The following HIF1AN variants were observed in gnomAD, a reference collection of about 807,000 sequenced individuals.
The protein encoded by HIF1AN is hypoxia-inducible factor 1-alpha inhibitor.
A neutral mutation model predicts 47.7 loss-of-function variants in HIF1AN; 21 were observed. The observed-to-expected ratio is 0.44, with a 90% CI of 0.31 to 0.63. HIF1AN has a LOEUF of 0.63. Among genes scored for constraint, HIF1AN ranks in the 30% least tolerant of loss-of-function variants. HIF1AN has a pLI of 0.07. For synonymous variants in HIF1AN, 152 were observed against 155.9 expected, an observed-to-expected ratio of 0.98 and a Z score of 0.18; for missense variants, 320 against 432.7, an observed-to-expected ratio of 0.74 and a Z score of 2.31.
intron 2 of HIF1AN, among the ~76,000 whole-genome samples, chr10:100,538,713 T>C (rs1291669498): frequency 6.7e-6 from 1 of 149,198 alleles, no homozygotes. Flanking sequence ...CTCAGCTACT[T>C]GGGAGACTGA....
At position 100,536,077 on chromosome 10, in the gene HIF1AN, G is replaced by A. The variant is rs1359248357; in HGVS notation, c.119G>A (p.Arg40Lys). ...TTGCGCAGTTATAGCTTCCCGACTA[G>A]GCCCATTCCGCGTCTGAGTCAGAGC... ...SQLRSYSFPT[R>K]PIPRLSQSDP... Residue 40 changes from arginine to lysine, a missense_variant, in exon 1 of 8, where the codon AGG becomes AAG. Arg to Lys is a conservative substitution (Grantham distance 26, BLOSUM62 2). Around this residue, in one of 2 missense-constraint regions of HIF1AN, gnomAD observed 159 missense variants for 159.9 expected, o/e 0.99. Coordinates refer to ENST00000299163, the MANE Select transcript of HIF1AN (RefSeq NM_017902.3). 4 of 1,612,500 alleles carry A rather than the reference G, an allele frequency of 2.5e-6. No homozygotes were observed. Among genetic ancestry groups the A allele is most frequent in the Admixed American group, 1.7e-5 (1 of 59,894 alleles).
intron 2 of HIF1AN, among the ~76,000 whole-genome samples, chr10:100,537,105 A>G (rs1419017796): frequency 1.3e-5 from 2 of 151,982 alleles, no homozygotes; most frequent in African/African-American, 4.8e-5. Flanking sequence ...AGGTGGGAGG[A>G]TTGCTTGAGT....
rs1355174379 is a variant in HIF1AN, at chr10:100,557,072, G to T, written c.*8935G>T. 6.6e-6 allele frequency: 1 copy of T among 152,258 alleles called. No homozygotes were observed. Among genetic ancestry groups the T allele is most frequent in the Non-Finnish European group, 1.5e-5 (1 of 68,078 alleles). The allele number at this position is 152,258 out of a possible 1,614,324, so 9.4% of individuals were successfully genotyped here. A position where few individuals can be genotyped will look rare whatever the true frequency, so the allele number is the denominator to read the frequency against. ...GGAAGGGACTGAAAGTCCATGAAGT[G>T]CTGGGCTGGGGACAGAAAGGGTTTA... is the stretch of plus-strand genomic sequence containing the variant. On this transcript the variant is annotated 3_prime_UTR_variant, in exon 8 of 8. Coordinates refer to ENST00000299163, the MANE Select transcript of HIF1AN (RefSeq NM_017902.3).
intron 3 of HIF1AN, among the ~76,000 whole-genome samples, chr10:100,544,031 C>A (rs1843071369): frequency 1.3e-5 from 2 of 152,158 alleles, no homozygotes; most frequent in African/African-American, 2.4e-5. Flanking sequence ...CCAGACAGAG[C>A]TGGGGAAGAT....
chr10:100,540,033 T>C (rs2133722768), intron 2 of HIF1AN, among the ~76,000 whole-genome samples: 1 of 152,142 alleles, frequency 6.6e-6, no homozygotes, highest in South Asian at 2.1e-4. Context: ...TTTGAGATGG[T>C]GTCTTGCTCT....
At chr10:100,542,846 G>A (rs201312553) in intron 3 of HIF1AN, among the ~76,000 whole-genome samples, 1 of 111,762 alleles carries the variant, frequency 8.9e-6, no homozygotes, top group East Asian at 3.2e-4. Context: ...ATGTGAATGT[G>A]TTTTTTTTTT....
At chr10:100,540,929 T>C in intron 3 of HIF1AN, 147 bp downstream of exon 3, 1 of 789,204 alleles carries the variant, frequency 1.3e-6, no homozygotes, top group Non-Finnish European at 1.9e-6. Context: ...AGAAACATAA[T>C]AGGGGCTGGA....
chr10:100,546,471 C>G (rs116854727), intron 5 of HIF1AN, 47 bp from the exon 6 acceptor site: 1 of 1,497,772 alleles, frequency 6.7e-7, no homozygotes, highest in Admixed American at 1.7e-5. Context: ...CCTCCGCCCC[C>G]GCCAAAAGTA....
rs556223092 is a variant in HIF1AN, at chr10:100,538,208, A to G, written c.428+1547A>G. ...TTTATGGGTGATTAAAGAGTTTTCA[A>G]GGAAAATCTTTAATTGTTTGGAAGT... On this transcript the variant is annotated intron_variant, in intron 2 of 7. Coordinates refer to ENST00000299163, the MANE Select transcript of HIF1AN (RefSeq NM_017902.3). Among the ~76,000 whole-genome samples, 6 of 152,332 alleles carry G rather than the reference A, an allele frequency of 3.9e-5. No individual in the cohort carries two copies. The East Asian group carries it at 1.2e-3, about 29-fold the overall frequency.
chr10:100,545,832 T>G, intron 4 of HIF1AN, 111 bp from the exon 5 acceptor site: 1 of 710,194 alleles, frequency 1.4e-6, no homozygotes, highest in East Asian at 2.5e-5. Flanking sequence ...TTTTAAGGCA[T>G]CGTTTTTTTT....
At position 100,536,160 on chromosome 10, in the gene HIF1AN, G is replaced by A. The variant is rs1589749917; in HGVS notation, c.177+25G>A. On this transcript the variant is annotated intron_variant, in intron 1 of 7. Transcript: ENST00000299163. ...GGTGGGGGGCGGGGCCGCGTCTAAA[G>A]GGAGAGGAGGAAGGTACCCGGTTGA... 4.5e-6 allele frequency: 7 copies of A among 1,568,456 alleles called. No individual in the cohort carries two copies. In the East Asian group the frequency reaches 1.6e-4, roughly 35 times the overall value.
In HIF1AN at chr10:100,544,958, G is replaced by A; in HGVS notation, c.585G>A (p.Val195=). 6.2e-7 allele frequency: 1 copy of A among 1,614,150 alleles called. No homozygotes were observed. Among genetic ancestry groups the A allele is most frequent in the Non-Finnish European group, 8.5e-7 (1 of 1,180,002 alleles). The part of the protein sequence containing the change: ...NLLLIGMEGN[V]TPAHYDEQQN... Reference sequence around the variant, plus strand: ...ATGCCTTTCTTCTTACAGGAAATGTGACACCTGCTCACTATGATGAGCAGC... The same window carrying A: ...ATGCCTTTCTTCTTACAGGAAATGTAACACCTGCTCACTATGATGAGCAGC... Residue 195 remains valine (V), a synonymous_variant, in exon 4 of 8, where the codon GTG becomes GTA. Transcript: ENST00000299163.
At chr10:100,538,525 C>T (rs1179554956) in intron 2 of HIF1AN, among the ~76,000 whole-genome samples, 1 of 151,966 alleles carries the variant, frequency 6.6e-6, no homozygotes, top group East Asian at 1.9e-4. Context: ...GTAGTGTTTC[C>T]AACTCATCAA....
rs114934762 is a variant in HIF1AN at position 100,539,426 on chromosome 10, C to T, written c.429-1208C>T. ...GGCCTTTACCTAATAAGCTATCTTC[C>T]TTACTTTAGCTGTAGAAGGCTGCAA... On this transcript the variant is annotated intron_variant, in intron 2 of 7. Coordinates refer to ENST00000299163, the MANE Select transcript of HIF1AN (RefSeq NM_017902.3). Among the ~76,000 whole-genome samples, 631 of 152,328 alleles carry T rather than the reference C, an allele frequency of 4.1e-3. 5 individuals are homozygous for T. The highest frequency in any genetic ancestry group is 0.014 in the African/African-American group (586 of 41,582).
In HIF1AN at chr10:100,556,210, T is replaced by A. The variant is rs1436835108; in HGVS notation, c.*8073T>A. 1 of 152,236 alleles carries A rather than the reference T, an allele frequency of 6.6e-6. No homozygotes were observed. 9.4% of individuals were successfully genotyped at this position (152,236 alleles called of 1,614,324 possible). A position where few individuals can be genotyped will look rare whatever the true frequency, so the allele number is the denominator to read the frequency against. On this transcript the variant is annotated 3_prime_UTR_variant, in exon 8 of 8. Coordinates refer to ENST00000299163, the MANE Select transcript of HIF1AN (RefSeq NM_017902.3). ...TGCTTGTGTTACCAGTTCCTACCCC[T>A]GTCAGTAACCTCTGATGCTTACAAG...
Position 100,542,350 on chromosome 10 carries a change from T to TTTTA in HIF1AN, c.577+1584_577+1587dup, listed in dbSNP as rs1163582668. Among the ~76,000 whole-genome samples the TTTTA allele has an allele frequency of 1.3e-3, 201 of 152,114 alleles. 1 individual carries two copies. Among genetic ancestry groups the TTTTA allele is most frequent in the African/African-American group, 4.7e-3 (194 of 41,490 alleles). On this transcript the variant is annotated intron_variant, in intron 3 of 7. Transcript: ENST00000299163. The stretch of plus-strand genomic sequence containing the variant: ...TTTAGTGTAAATTCAACTTTATTGT[T>TTTTA]TTTATTTATTTATTTATTTTTGAGA...
intron 6 of HIF1AN, 74 bp from the exon 7 acceptor site, chr10:100,547,066 T>TG: frequency 9.6e-7 from 1 of 1,045,724 alleles, no homozygotes; most frequent in South Asian, 1.4e-5. Context: ...GAAGGGAGGA[T>TG]GGTACTAAGA....
In HIF1AN at chr10:100,536,626, A is replaced by G. The variant is rs556356487; in HGVS notation, c.393A>G (p.Lys131=). The G allele has an allele frequency of 3.7e-6, 6 of 1,614,208 alleles. No individual in the cohort carries two copies. Among genetic ancestry groups the G allele is most frequent in the East Asian group, 2.2e-5 (1 of 44,894 alleles). Residue 131 remains lysine (K), a synonymous_variant, in exon 2 of 8, where the codon AAA becomes AAG. Transcript: ENST00000299163. ...EEMKFHEFVE[K]LQDIQQRGGE... ...TGAAATTTCATGAGTTCGTTGAGAA[A>G]CTGCAGGATATACAGCAGCGAGGAG...
rs1157618379 is a variant in HIF1AN at position 100,550,725 on chromosome 10, G to A, written c.*2588G>A. On this transcript the variant is annotated 3_prime_UTR_variant, in exon 8 of 8. Transcript: ENST00000299163. Reference sequence around the variant, plus strand: ...GAAGCTGTGGGGGGAACTGAGTTCTGTGTCTAATTGCATTACTTATGTGTC... The same window carrying A: ...GAAGCTGTGGGGGGAACTGAGTTCTATGTCTAATTGCATTACTTATGTGTC... 4 of 152,190 alleles carry A rather than the reference G, an allele frequency of 2.6e-5. No individual in the cohort carries two copies. The highest frequency in any genetic ancestry group is 1.9e-4 in the East Asian group (1 of 5,190). 9.4% of individuals were successfully genotyped at this position (152,190 alleles called of 1,614,324 possible).
Sources: gnomAD v4.1 joint callset for allele counts (sites outside exome capture counted in the v4.1 genomes callset) on GRCh38, gnomAD v4.1.1 for gene constraint, gnomAD v4.1.1 regional missense constraint, MANE v1.5 for transcripts, NCBI Gene and HGNC (gene_info 2026-07-23, HGNC 2026-07-21) for gene names.